Variants in ADGRL4 observed in about 807,000 individuals in gnomAD.
ADGRL4 encodes the protein EGF, latrophilin and seven transmembrane domain containing 1.
In ADGRL4, 90 loss-of-function variants were observed where a neutral mutation model predicts 74.8. That is an observed-to-expected ratio of 1.20 (90% CI 1.02 to 1.43). The LOEUF (loss-of-function observed/expected upper bound fraction) is 1.43. ADGRL4 is among the 40% of genes most tolerant of loss of function. The pLI is 0.00. For synonymous variants in ADGRL4, 311 were observed against 279.2 expected (o/e 1.11, Z -1.14); for missense variants, 881 against 814.3 (o/e 1.08, Z -1.00).
rs191336986 is a variant in ADGRL4 at position 78,890,400 on chromosome 1, A to G, written c.*754T>C. ...TACTGATTAACTATCCAAAGTCACA[A>G]TCTGTGAAATAAGTAAGGAAATAGT... On this transcript the variant is annotated 3_prime_UTR_variant, in exon 15 of 15. Transcript: ENST00000370742. 8 of 152,096 alleles carry G rather than the reference A, an allele frequency of 5.3e-5. No homozygotes were observed. The highest frequency in any genetic ancestry group is 8.8e-5 in the Non-Finnish European group (6 of 67,942). The allele number at this position is 152,096 out of a possible 1,614,324, so 9.4% of individuals were successfully genotyped here.
At chr1:78,989,567 G>A (rs1420807570) in intron 2 of ADGRL4, among the ~76,000 whole-genome samples, 1 of 151,588 alleles carries the variant, frequency 6.6e-6, no homozygotes, top group Non-Finnish European at 1.5e-5. Flanking sequence ...CTTCTTCTAG[G>A]TATGTCCCGA....
chr1:78,998,062 TCAAA>T (rs1305064020), intron 2 of ADGRL4, among the ~76,000 whole-genome samples: 5 of 152,064 alleles, frequency 3.3e-5, no homozygotes, highest in Non-Finnish European at 7.4e-5. Context: ...AAACAATGCC[TCAAA>T]CAATCACCTA....
rs1297313221 is a variant in ADGRL4 at position 78,920,166 on chromosome 1, T to C, written c.1461+17A>G. The C allele has an allele frequency of 1.9e-6, 3 of 1,585,024 alleles. No homozygotes were observed. Among genetic ancestry groups the C allele is most frequent in the Admixed American group, 3.4e-5 (2 of 58,416 alleles). ...ACATATCATAGGACAAAAATAGAGATTAGGATGCCTACATACCTTATTAGT... is the reference window on the plus strand; with the variant it reads ...ACATATCATAGGACAAAAATAGAGACTAGGATGCCTACATACCTTATTAGT... On this transcript the variant is annotated intron_variant, in intron 10 of 14. Transcript: ENST00000370742.
At chr1:78,979,401 G>T (rs1650355589) in intron 2 of ADGRL4, among the ~76,000 whole-genome samples, 1 of 151,906 alleles carries the variant, frequency 6.6e-6, no homozygotes, top group African/African-American at 2.4e-5. Context: ...AGTACTTGAA[G>T]ATTTTCAAAC....
rs764905041 is a variant in ADGRL4 at position 78,920,370 on chromosome 1, T to TTATA, written c.1270_1273dup (p.Asn425IlefsTer2). The TTATA allele has an allele frequency of 6.3e-7, 1 of 1,583,648 alleles. No individual in the cohort carries two copies. The highest frequency in any genetic ancestry group is 1.1e-5 in the South Asian group (1 of 90,132). On this transcript the variant is annotated stop_gained and frameshift_variant, in exon 10 of 15. Transcript: ENST00000370742. LOFTEE classifies it high-confidence loss of function. ...TAGTTGAGTGATCCTTGTAAGAATA[T>TTATA]TATAATCTTTAATACCCTAAGGGAA...
At chr1:78,966,467 G>C (rs562315798) in intron 2 of ADGRL4, among the ~76,000 whole-genome samples, 1 of 152,146 alleles carries the variant, frequency 6.6e-6, no homozygotes, top group South Asian at 2.1e-4. Flanking sequence ...CTTGAGAAGC[G>C]GTGAGTAAAA....
intron 12 of ADGRL4, among the ~76,000 whole-genome samples, chr1:78,909,636 A>C (rs1425475628): frequency 6.6e-6 from 1 of 151,776 alleles, no homozygotes; most frequent in Non-Finnish European, 1.5e-5. Context: ...TTTATTATCT[A>C]CCTCAGTAGA....
intron 1 of ADGRL4, among the ~76,000 whole-genome samples, chr1:79,006,367 CG>C (rs1296591461): frequency 6.6e-6 from 1 of 152,060 alleles, no homozygotes; most frequent in Non-Finnish European, 1.5e-5. Context: ...CAAATTTCTT[CG>C]GGGCAGAACA....
At chr1:78,894,156 T>C (rs1054703431) in intron 12 of ADGRL4, among the ~76,000 whole-genome samples, 1 of 151,932 alleles carries the variant, frequency 6.6e-6, no homozygotes, top group Non-Finnish European at 1.5e-5. Context: ...CTTCTACTAG[T>C]AATTCAGAAG....
At chr1:78,942,954 A>G (rs1649518534) in intron 3 of ADGRL4, among the ~76,000 whole-genome samples, 1 of 152,048 alleles carries the variant, frequency 6.6e-6, no homozygotes, top group Non-Finnish European at 1.5e-5. Context: ...AATAATGATA[A>G]TAATAATGTT....
intron 2 of ADGRL4, among the ~76,000 whole-genome samples, chr1:78,967,221 G>A (rs952456210): frequency 1.3e-5 from 2 of 152,176 alleles, no homozygotes; most frequent in Non-Finnish European, 2.9e-5. Context: ...AATTATGCAG[G>A]TTAGGTACTA....
chr1:78,925,731 C>T (rs895176702), intron 8 of ADGRL4, among the ~76,000 whole-genome samples: 4 of 151,926 alleles, frequency 2.6e-5, no homozygotes, highest in South Asian at 2.1e-4. Context: ...CAGGAATTAC[C>T]GTGAAGAGTT....
At chr1:78,961,420 C>G (rs775760993) in intron 2 of ADGRL4, among the ~76,000 whole-genome samples, 1 of 152,054 alleles carries the variant, frequency 6.6e-6, no homozygotes, top group Non-Finnish European at 1.5e-5. Flanking sequence ...GGATTACAGG[C>G]GTGAGTACTT....
rs559527868 is a variant in ADGRL4, at chr1:78,948,335, G to A, written c.173-1909C>T. On this transcript the variant is annotated intron_variant, in intron 2 of 14. Transcript: ENST00000370742. ...GACCAGGTGGGTAATGTAACAGTTT[G>A]ATTCCATCAGGAGTCAGACAATAGA... Among the ~76,000 whole-genome samples the A allele has an allele frequency of 7.1e-4, 108 of 152,240 alleles. No homozygotes were observed. In the Middle Eastern group the frequency reaches 0.01, roughly 14 times the overall value.
Position 78,891,212 on chromosome 1 carries a change from T to C in ADGRL4, c.2015A>G (p.Gln672Arg). 6.2e-7 allele frequency: 1 copy of C among 1,601,610 alleles called. No homozygotes were observed. Among genetic ancestry groups the C allele is most frequent in the Non-Finnish European group, 8.5e-7 (1 of 1,173,556 alleles). The change falls in exon 15 of 15, where the codon CAA becomes CGA. Residue 672 changes from glutamine (Q) to arginine (R), a missense_variant. By Grantham distance (43) the Gln-to-Arg change is conservative. Transcript: ENST00000370742. ...TTTGAACAATCTGTAATATTCTTCT[T>C]GAATCTAAAAATTAAAAAAAGGAAA... Reference protein sequence around the residue: ...LFLCVLSRKIQEEYYRLFKNV... With the variant: ...LFLCVLSRKIREEYYRLFKNV...
chr1:78,892,076 T>C (rs900641062), intron 13 of ADGRL4, among the ~76,000 whole-genome samples: 2 of 151,994 alleles, frequency 1.3e-5, no homozygotes, highest in African/African-American at 4.8e-5. Flanking sequence ...TAGGAAGTAT[T>C]TTCCCTAAGA....
At chr1:78,946,168 G>C (rs1649596310) in intron 3 of ADGRL4, 106 bp downstream of exon 3, 1 of 713,802 alleles carries the variant, frequency 1.4e-6, no homozygotes, top group African/African-American at 1.9e-5. Flanking sequence ...TTAACACGTA[G>C]GGTACGATCA....
chr1:78,989,759 C>T (rs1650567822), intron 2 of ADGRL4, among the ~76,000 whole-genome samples: 1 of 151,920 alleles, frequency 6.6e-6, no homozygotes, highest in African/African-American at 2.4e-5. Context: ...AAGTGATTGA[C>T]AGATTTACAA....
chr1:78,963,868 G>A (rs1250834631), intron 2 of ADGRL4, among the ~76,000 whole-genome samples: 1 of 152,114 alleles, frequency 6.6e-6, no homozygotes, highest in Non-Finnish European at 1.5e-5. Flanking sequence ...GATTGTTGCT[G>A]TTCAAAAAAT....
Sources: gnomAD v4.1 joint callset for allele counts (sites outside exome capture counted in the v4.1 genomes callset) on GRCh38, gnomAD v4.1.1 for gene constraint, MANE v1.5 for transcripts, NCBI Gene and HGNC (gene_info 2026-07-23, HGNC 2026-07-21) for gene names.